The following PTPRC variants were observed in gnomAD, a reference collection of about 807,000 sequenced individuals.
PTPRC encodes receptor-type tyrosine-protein phosphatase C.
In PTPRC, 44 loss-of-function variants were observed where a neutral mutation model predicts 155.9. The observed-to-expected ratio is 0.28, with a 90% CI of 0.22 to 0.36. The LOEUF (loss-of-function observed/expected upper bound fraction) is 0.36. Ranked by LOEUF, PTPRC falls within the 10% of genes least tolerant of loss-of-function variation. The pLI is 1.00. For missense variants in PTPRC, 1,401 were observed against 1,564.6 expected (o/e 0.90, Z 1.76); for synonymous variants, 525 against 533.1 (o/e 0.98, Z 0.21).
chr1:198,663,451 G>A (rs868143245), intron 2 of PTPRC, among the ~76,000 whole-genome samples: 3 of 152,338 alleles, frequency 2.0e-5, no homozygotes, highest in Middle Eastern at 3.4e-3. Flanking sequence ...ATAGAAGGAA[G>A]CAATCTTGAG....
intron 13 of PTPRC, among the ~76,000 whole-genome samples, chr1:198,717,357 G>C (rs1653642860): frequency 6.6e-6 from 1 of 152,024 alleles, no homozygotes; most frequent in Non-Finnish European, 1.5e-5. Flanking sequence ...ATGGCATTTG[G>C]CTCTTGCCAC....
At chr1:198,642,919 T>C (rs867409273) in intron 2 of PTPRC, among the ~76,000 whole-genome samples, 19 of 142,718 alleles carry the variant, frequency 1.3e-4, no homozygotes, top group Non-Finnish European at 2.5e-4. Context: ...TTTCTTTCTT[T>C]CTTTCTTTCT....
At chr1:198,687,578 C>G (rs189787765) in intron 2 of PTPRC, among the ~76,000 whole-genome samples, 2 of 151,144 alleles carry the variant, frequency 1.3e-5, no homozygotes, top group Admixed American at 6.6e-5. Flanking sequence ...GTTCTGCTAA[C>G]GTTGATGTAA....
At chr1:198,693,538 G>A (rs951832278) in intron 3 of PTPRC, among the ~76,000 whole-genome samples, 29 of 152,244 alleles carry the variant, frequency 1.9e-4, no homozygotes, top group African/African-American at 7.0e-4. Context: ...CCTTATTGAG[G>A]GAGTTTCTGT....
intron 2 of PTPRC, among the ~76,000 whole-genome samples, chr1:198,667,486 A>G (rs1476440122): frequency 6.6e-6 from 1 of 152,226 alleles, no homozygotes; most frequent in African/African-American, 2.4e-5. Context: ...GGGAATAAAG[A>G]ATGTCAACTG....
At chr1:198,725,340 G>A (rs1654084580) in intron 15 of PTPRC, among the ~76,000 whole-genome samples, 2 of 152,150 alleles carry the variant, frequency 1.3e-5, no homozygotes, top group African/African-American at 4.8e-5. Flanking sequence ...AGGAAAGGTT[G>A]ATTAGATGTT....
At chr1:198,662,557 A>G (rs1248107444) in intron 2 of PTPRC, among the ~76,000 whole-genome samples, 1 of 152,034 alleles carries the variant, frequency 6.6e-6, no homozygotes, top group African/African-American at 2.4e-5. Flanking sequence ...GAATGTTTTA[A>G]TAGAGTGGCT....
chr1:198,694,707 C>T (rs1241501131), intron 3 of PTPRC: 1 of 957,618 alleles, frequency 1.0e-6, no homozygotes, highest in Non-Finnish European at 1.2e-6. Flanking sequence ...ATTCTAAACT[C>T]TCTCCTTCCT....
At chr1:198,739,840 G>T (rs1654818168) in intron 23 of PTPRC, among the ~76,000 whole-genome samples, 1 of 151,234 alleles carries the variant, frequency 6.6e-6, no homozygotes, top group Non-Finnish European at 1.5e-5. Context: ...TACAAAACAA[G>T]TCTTACAAAA....
intron 2 of PTPRC, among the ~76,000 whole-genome samples, chr1:198,649,615 A>T (rs1663132859): frequency 6.6e-6 from 1 of 151,840 alleles, no homozygotes; most frequent in Non-Finnish European, 1.5e-5. Flanking sequence ...ACTTCCAATG[A>T]TGAAAAATTG....
chr1:198,707,857 T>G (rs1458485792), intron 9 of PTPRC, among the ~76,000 whole-genome samples: 4 of 152,238 alleles, frequency 2.6e-5, no homozygotes, highest in Non-Finnish European at 5.9e-5. Flanking sequence ...AGCTACAATT[T>G]TATCAATATG....
In PTPRC at chr1:198,744,174, G is replaced by A; in HGVS notation, c.2818G>A (p.Glu940Lys). 6.2e-7 allele frequency: 1 copy of A among 1,606,790 alleles called. No homozygotes were observed. Among genetic ancestry groups the A allele is most frequent in the Non-Finnish European group, 8.5e-7 (1 of 1,174,424 alleles). The part of the protein sequence containing the change: ...HNMKKRDPPS[E>K]PSPLEAEFQR... ...CATGAAGAAAAGGGATCCACCCAGT[G>A]AGCCGTCTCCACTAGAGGCTGAATT... The change falls in exon 26 of 33, where the codon GAG becomes AAG. Residue 940 changes from glutamate (E) to lysine (K), a missense_variant. Glu to Lys is a moderately conservative substitution (Grantham distance 56). Coordinates refer to ENST00000442510, the MANE Select transcript of PTPRC (RefSeq NM_002838.5).
chr1:198,734,631 T>C (rs1010265080), intron 22 of PTPRC, among the ~76,000 whole-genome samples: 1 of 151,766 alleles, frequency 6.6e-6, no homozygotes, highest in Non-Finnish European at 1.5e-5. Context: ...ATGCATAAAA[T>C]TTCAATGCTT....
At chr1:198,685,534 C>T (rs760657771) in intron 2 of PTPRC, among the ~76,000 whole-genome samples, 7 of 151,886 alleles carry the variant, frequency 4.6e-5, no homozygotes, top group Non-Finnish European at 7.4e-5. Flanking sequence ...CCTGGCTTGT[C>T]GCTGCCCAGA....
At chr1:198,678,062 G>T (rs983639353) in intron 2 of PTPRC, among the ~76,000 whole-genome samples, 4 of 152,092 alleles carry the variant, frequency 2.6e-5, no homozygotes, top group Non-Finnish European at 4.4e-5. Flanking sequence ...ACCATCTTAT[G>T]AAATGAGAAA....
rs546787956 is a variant in PTPRC, at chr1:198,699,870, G to A, written c.439+166G>A. 269 of 879,580 alleles carry A rather than the reference G, an allele frequency of 3.1e-4. 1 individual carries two copies. Among genetic ancestry groups the A allele is most frequent in the South Asian group, 4.9e-4 (33 of 67,920 alleles). The allele number at this position is 879,580 out of a possible 1,614,324, so 54.5% of individuals were successfully genotyped here. On this transcript the variant is annotated intron_variant, in intron 5 of 32. Transcript: ENST00000442510. ...AGGAATATGAAACCACAGAACAAATGTCCTTTTAACAGAGATGAAATAATA... is the reference window on the plus strand; with the variant it reads ...AGGAATATGAAACCACAGAACAAATATCCTTTTAACAGAGATGAAATAATA...
intron 14 of PTPRC, among the ~76,000 whole-genome samples, chr1:198,721,833 T>C (rs1653902379): frequency 6.6e-6 from 1 of 151,482 alleles, no homozygotes; most frequent in Admixed American, 6.6e-5. Context: ...TATTCAAATA[T>C]ATTTTACTTA....
chr1:198,732,402 T>C lies in PTPRC; in HGVS notation c.2065+12T>C, dbSNP rs768634283. On this transcript the variant is annotated intron_variant, in intron 19 of 32. Coordinates refer to ENST00000442510, the MANE Select transcript of PTPRC (RefSeq NM_002838.5). ...TGACATTCTTCCTTGTGAGTATTTA[T>C]TGAGTGCTGAATTCCCATATATTAG... 1.9e-6 allele frequency: 3 copies of C among 1,606,624 alleles called. No homozygotes were observed. The highest frequency in any genetic ancestry group is 1.1e-5 in the South Asian group (1 of 90,956).
intron 6 of PTPRC, 67 bp downstream of exon 6, chr1:198,702,597 T>A: frequency 6.3e-7 from 1 of 1,578,662 alleles, no homozygotes; most frequent in Non-Finnish European, 8.7e-7. Flanking sequence ...AAAACTTTAA[T>A]GTAGCTCTTT....
Sources: allele counts gnomAD v4.1 joint callset (sites outside exome capture counted in the v4.1 genomes callset), GRCh38; gene constraint gnomAD v4.1.1; transcripts MANE v1.5; gene names NCBI Gene and HGNC (gene_info 2026-07-23, HGNC 2026-07-21).